TRPM2: variants seen among roughly 807,000 people sequenced by gnomAD.
The protein encoded by TRPM2 is estrogen-responsive element-associated gene 1 protein.
In TRPM2, 161 loss-of-function variants were observed where a neutral mutation model predicts 174.0. The ratio of observed to expected loss-of-function variants is 0.93; its 90% CI spans 0.81 to 1.05. The LOEUF (loss-of-function observed/expected upper bound fraction) is 1.05, where lower values mean the gene tolerates loss of function less well. Ranked by LOEUF, TRPM2 falls within the 50% of genes least tolerant of loss-of-function variation. TRPM2 has a pLI of 0.00. For synonymous variants in TRPM2, 954 were observed against 861.3 expected, an observed-to-expected ratio of 1.11 and a Z score of -1.88; for missense variants, 2,057 against 2,038.0, an observed-to-expected ratio of 1.01 and a Z score of -0.18.
chr21:44,405,917 G>T lies in TRPM2; in HGVS notation c.2670G>T (p.Ala890=). The change falls in exon 18 of 32, where the codon GCG becomes GCT. Residue 890 remains alanine, a synonymous_variant. Transcript: ENST00000397928. ...GCCCGGCGGCCAGGCTCATCCCGGC[G>T]ACGCTGTACCCCGGGCGCGTCATCC... ...VAGLTCRLIP[A]TLYPGRVILS... is the part of the protein sequence containing the mutation. The T allele has an allele frequency of 1.2e-6, 2 of 1,603,972 alleles. No homozygotes were observed.
chr21:44,420,069 C>T (rs370953510), intron 22 of TRPM2, among the ~76,000 whole-genome samples: 9 of 152,016 alleles, frequency 5.9e-5, no homozygotes, highest in African/African-American at 1.7e-4. Context: ...TGTCAAAGCC[C>T]CTTCTAGCTC....
At chr21:44,402,992 C>T (rs1023648266) in intron 16 of TRPM2, among the ~76,000 whole-genome samples, 20 of 152,128 alleles carry the variant, frequency 1.3e-4, no homozygotes, top group African/African-American at 4.6e-4. Flanking sequence ...GGGGAGGCAC[C>T]GGCGTCCCCA....
chr21:44,357,209 T>C (rs2048085250), intron 2 of TRPM2, among the ~76,000 whole-genome samples: 1 of 152,230 alleles, frequency 6.6e-6, no homozygotes, highest in Non-Finnish European at 1.5e-5. Context: ...CACCCTGACC[T>C]GCTGTGTCCT....
At chr21:44,402,094 C>T (rs1003546066) in intron 16 of TRPM2, among the ~76,000 whole-genome samples, 197 bp downstream of exon 16, 1 of 152,152 alleles carries the variant, frequency 6.6e-6, no homozygotes, top group Non-Finnish European at 1.5e-5. Flanking sequence ...ATGCCCCCTG[C>T]GCCTGCTTCC....
rs559123321 is a variant in TRPM2, at chr21:44,366,757, G to T, written c.427G>T (p.Val143Phe). Residue 143 changes from valine to phenylalanine, a missense_variant, in exon 4 of 32, where the codon GTC becomes TTC. By Grantham distance (50) the Val-to-Phe change is conservative (BLOSUM62 -1). Coordinates refer to ENST00000397928, the MANE Select transcript of TRPM2 (RefSeq NM_003307.4). The surrounding 1 kb of genome is among the most constrained non-coding windows in gnomAD (Gnocchi z 6.0). ...TGLSQKVKKY[V>F]RVSQDTPSSV... ...CGCCGTTTTCCCTTTCCCGCAGTAC[G>T]TCCGAGTCTCCCAGGACACGCCCTC... 6 of 1,613,892 alleles carry T rather than the reference G, an allele frequency of 3.7e-6. No homozygotes were observed. In the Admixed American group the frequency reaches 8.3e-5, roughly 22 times the overall value.
rs945438675 is a variant in TRPM2, at chr21:44,367,069, A to G, written c.604+135A>G. The G allele has an allele frequency of 1.3e-4, 133 of 1,056,716 alleles. No individual in the cohort carries two copies. Among genetic ancestry groups the G allele is most frequent in the Non-Finnish European group, 1.7e-4 (127 of 754,968 alleles). 65.5% of individuals were successfully genotyped at this position (1,056,716 alleles called of 1,614,324 possible). A position where few individuals can be genotyped will look rare whatever the true frequency, so the allele number is the denominator to read the frequency against. Reference sequence around the variant, plus strand: ...GAGGCTGTGCCCCAGCCTGAGTCGGACCCATGCACCTCTCACCTGGGCACA... The same window carrying G: ...GAGGCTGTGCCCCAGCCTGAGTCGGGCCCATGCACCTCTCACCTGGGCACA... On this transcript the variant is annotated intron_variant, in intron 4 of 31. Coordinates refer to ENST00000397928, the MANE Select transcript of TRPM2 (RefSeq NM_003307.4). This position sits in a 1 kb window ranked among gnomAD's most constrained non-coding sequence, Gnocchi z 4.6.
intron 11 of TRPM2, among the ~76,000 whole-genome samples, chr21:44,393,717 T>A (rs2049252183): frequency 6.6e-6 from 1 of 152,022 alleles, no homozygotes; most frequent in South Asian, 2.1e-4. Flanking sequence ...TCTTTTCTGA[T>A]TATTTTTCTG....
At chr21:44,375,516 TG>T (rs1191201149) in intron 5 of TRPM2, among the ~76,000 whole-genome samples, 1 of 152,126 alleles carries the variant, frequency 6.6e-6, no homozygotes, top group Admixed American at 6.5e-5. Context: ...CCTCCACTCC[TG>T]GGGGGTCCGG....
At chr21:44,352,533 A>G (rs1300786052), upstream of TRPM2, among the ~76,000 whole-genome samples, 1 of 152,138 alleles carries the variant, frequency 6.6e-6, no homozygotes, top group Non-Finnish European at 1.5e-5. Flanking sequence ...GTGGCCAGAG[A>G]TCTGGTTTCA....
At position 44,377,768 on chromosome 21, in the gene TRPM2, T is replaced by G; in HGVS notation, c.1009T>G (p.Leu337Val). ...CVVLEGGPGT[L>V]HTIDNATTNG... ...GGTGCTGGAGGGCGGCCCGGGCACG[T>G]TGCACGTGAGTATGGCCAGGTGGGA... Residue 337 changes from leucine (L) to valine (V), a missense_variant, in exon 7 of 32, where the codon TTG becomes GTG. Leu to Val is a conservative substitution (Grantham distance 32, BLOSUM62 1). Coordinates refer to ENST00000397928, the MANE Select transcript of TRPM2 (RefSeq NM_003307.4). 6.2e-7 allele frequency: 1 copy of G among 1,614,106 alleles called. No individual in the cohort carries two copies. Among genetic ancestry groups the G allele is most frequent in the Non-Finnish European group, 8.5e-7 (1 of 1,180,014 alleles).
intron 24 of TRPM2, 183 bp from the exon 25 acceptor site, chr21:44,425,487 C>A: frequency 1.6e-6 from 1 of 609,410 alleles, no homozygotes; most frequent in Non-Finnish European, 2.5e-6. Flanking sequence ...GCTCCCGTGG[C>A]TGTCCTCCCT....
intron 7 of TRPM2, 21 bp downstream of exon 7, chr21:44,377,794 G>T (rs754100662): frequency 1.3e-5 from 21 of 1,613,526 alleles, no homozygotes; most frequent in Non-Finnish European, 1.7e-5. Context: ...CCAGGTGGGA[G>T]GGGGCATGTG....
chr21:44,426,544 T>C lies in TRPM2; in HGVS notation c.3796-116T>C, dbSNP rs2050785938. 7.0e-6 allele frequency: 7 copies of C among 1,003,396 alleles called. No homozygotes were observed. In the South Asian group the frequency reaches 7.7e-5, roughly 11 times the overall value. 62.2% of individuals were successfully genotyped at this position (1,003,396 alleles called of 1,614,324 possible). A position where few individuals can be genotyped will look rare whatever the true frequency, so the allele number is the denominator to read the frequency against. ...CCCAGCTTGGAGCTTCTGCCCTGCA[T>C]GTTGGGATGTTGGGGTCGGGTTCAG... On this transcript the variant is annotated intron_variant, in intron 25 of 31. Transcript: ENST00000397928.
At chr21:44,405,359 T>G (rs1014888611) in intron 17 of TRPM2, 99 bp downstream of exon 17, 8 of 1,541,762 alleles carry the variant, frequency 5.2e-6, no homozygotes, top group Non-Finnish European at 7.0e-6. Context: ...CGGGTGAGGC[T>G]CAGCTCGTCT....
In TRPM2 at chr21:44,354,481, G is replaced by A. The variant is rs905458593; in HGVS notation, c.166-167G>A. Among the ~76,000 whole-genome samples the A allele has an allele frequency of 2.6e-5, 4 of 152,188 alleles. No homozygotes were observed. Among genetic ancestry groups the A allele is most frequent in the Admixed American group, 1.3e-4 (2 of 15,284 alleles). Reference sequence around the variant, plus strand: ...CATTCCTCCCTCCTGAATCCCCACCGGAGAGTCTTGGCAAGGTGCTTCTAA... The same window carrying A: ...CATTCCTCCCTCCTGAATCCCCACCAGAGAGTCTTGGCAAGGTGCTTCTAA... On this transcript the variant is annotated intron_variant, in intron 1 of 31. Transcript: ENST00000397928. This position sits in a 1 kb window ranked among gnomAD's most constrained non-coding sequence, Gnocchi z 4.3.
At chr21:44,377,584 C>A in intron 6 of TRPM2, 128 bp from the exon 7 acceptor site, 1 of 1,271,126 alleles carries the variant, frequency 7.9e-7, no homozygotes, top group Non-Finnish European at 1.1e-6. Flanking sequence ...GGAGAGTGCC[C>A]TCAGTGCAGG....
chr21:44,397,699 G>T (rs1401985786), intron 12 of TRPM2, 48 bp from the exon 13 acceptor site: 1 of 1,512,854 alleles, frequency 6.6e-7, no homozygotes, highest in South Asian at 1.4e-5. Flanking sequence ...TCCTCAGGCT[G>T]GGTTGAGCCT....
rs1205847452 is a variant in TRPM2, at chr21:44,353,827, A to G, written c.127A>G (p.Ser43Gly). Residue 43 changes from serine (S) to glycine (G), a missense_variant, in exon 1 of 32, where the codon AGC becomes GGC. Ser to Gly is a moderately conservative substitution (Grantham distance 56, BLOSUM62 0). Transcript: ENST00000397928. Reference protein sequence around the residue: ...LRRSNSSLFKSWRLQCPFGNN... With the variant: ...LRRSNSSLFKGWRLQCPFGNN... ...GCGCAGCAACAGCAGCCTCTTCAAG[A>G]GCTGGAGGCTACAGTGCCCCTTCGG... 1.2e-6 allele frequency: 2 copies of G among 1,601,112 alleles called. No individual in the cohort carries two copies. Among genetic ancestry groups the G allele is most frequent in the East Asian group, 2.3e-5 (1 of 43,456 alleles).
At chr21:44,353,544 T>C, upstream of TRPM2, 7 of 925,774 alleles carry the variant, frequency 7.6e-6, no homozygotes, top group Non-Finnish European at 1.0e-5. Flanking sequence ...TGAGGAAGCA[T>C]GTGGCCAGGT....
Sources: gnomAD v4.1 joint callset for allele counts (sites outside exome capture counted in the v4.1 genomes callset) on GRCh38, gnomAD v4.1.1 for gene constraint, Gnocchi (gnomAD v3.1) non-coding constraint, MANE v1.5 for transcripts, NCBI Gene and HGNC (gene_info 2026-07-23, HGNC 2026-07-21) for gene names.